The following LRP1 variants were observed in gnomAD, a reference collection of about 807,000 sequenced individuals.
LRP1 encodes prolow-density lipoprotein receptor-related protein 1.
In LRP1, 51 loss-of-function variants were observed where a neutral mutation model predicts 541.5. That is an observed-to-expected ratio of 0.09 (90% confidence interval 0.08 to 0.12). The LOEUF (loss-of-function observed/expected upper bound fraction) is 0.12. Among genes scored for constraint, LRP1 ranks in the 10% least tolerant of loss-of-function variants. The probability of loss-of-function intolerance (pLI) is 1.00; values close to 1 mark genes in which losing one functional copy is unlikely to be tolerated. For missense variants in LRP1, 3,878 were observed against 6,376.2 expected (o/e 0.61, Z 13.34); for synonymous variants, 2,219 against 2,470.8 (o/e 0.90, Z 3.02).
At chr12:57,149,530 C>A in intron 6 of LRP1, 1 of 642,718 alleles carries the variant, frequency 1.6e-6, no homozygotes, top group Non-Finnish European at 2.8e-6. Flanking sequence ...TGTTTTAGAG[C>A]CCGGCAAGGA....
chr12:57,150,237 G>C (rs1034689060), intron 6 of LRP1, among the ~76,000 whole-genome samples: 8 of 136,464 alleles, frequency 5.9e-5, no homozygotes, highest in Admixed American at 5.7e-4. Flanking sequence ...TGTCGCCCAG[G>C]CTGGAGTGCA....
rs1162589429 is a variant in LRP1 at position 57,178,297 on chromosome 12, G to T, written c.4362-62G>T. 6 of 1,569,454 alleles carry T rather than the reference G, an allele frequency of 3.8e-6. No individual in the cohort carries two copies. The highest frequency in any genetic ancestry group is 5.2e-6 in the Non-Finnish European group (6 of 1,154,978). ...CCAGGGCCCAGAGGGTGGGCACCTG[G>T]GCAGAGCTCTGAGGGCTGAGATCCC... On this transcript the variant is annotated intron_variant, in intron 26 of 88. Coordinates refer to ENST00000243077, the MANE Select transcript of LRP1 (RefSeq NM_002332.3). This position sits in a 1 kb window ranked among gnomAD's most constrained non-coding sequence, Gnocchi z 5.8.
chr12:57,138,046 G>A (rs764320390), intron 1 of LRP1, among the ~76,000 whole-genome samples: 7 of 152,096 alleles, frequency 4.6e-5, no homozygotes, highest in African/African-American at 1.7e-4. Flanking sequence ...AGACCAGCTC[G>A]GGGCCTCTAG....
At chr12:57,129,072 C>A (rs1374665095) in intron 1 of LRP1, 41 bp downstream of exon 1, 1 of 1,538,174 alleles carries the variant, frequency 6.5e-7, no homozygotes, top group South Asian at 1.2e-5. Context: ...CCTGGGGGCA[C>A]CCTCTCCCCA....
chr12:57,185,014 C>G lies in LRP1; in HGVS notation c.6338+24C>G. The G allele has an allele frequency of 6.2e-7, 1 of 1,613,800 alleles. No homozygotes were observed. Among genetic ancestry groups the G allele is most frequent in the Non-Finnish European group, 8.5e-7 (1 of 1,179,734 alleles). On this transcript the variant is annotated intron_variant, in intron 39 of 88. Coordinates refer to ENST00000243077, the MANE Select transcript of LRP1 (RefSeq NM_002332.3). The surrounding 1 kb of genome is among the most constrained non-coding windows in gnomAD (Gnocchi z 4.9). Reference sequence around the variant, plus strand: ...AGGTGAGGGCTTCTGTCCTGGCCTCCTCAGCTGATCTCTTCCTTCCCTCCT... The same window carrying G: ...AGGTGAGGGCTTCTGTCCTGGCCTCGTCAGCTGATCTCTTCCTTCCCTCCT...
In LRP1 at chr12:57,201,555, C is replaced by A. The variant is rs1239386125; in HGVS notation, c.10404C>A (p.Pro3468=). ...FQCSITKRCI[P]RVWVCDRDND... ...GCTCCATTACCAAACGGTGCATCCC[C>A]CGGGTCTGGGTCTGCGACCGGGACA... Residue 3468 remains proline, a synonymous_variant, in exon 66 of 89, where the codon CCC becomes CCA. Transcript: ENST00000243077. The surrounding 1 kb of genome is among the most constrained non-coding windows in gnomAD (Gnocchi z 6.4). The A allele has an allele frequency of 1.2e-6, 2 of 1,613,982 alleles. No individual in the cohort carries two copies. Among genetic ancestry groups the A allele is most frequent in the East Asian group, 2.2e-5 (1 of 44,886 alleles).
intron 6 of LRP1, among the ~76,000 whole-genome samples, chr12:57,150,285 G>A (rs1405413530): frequency 7.1e-6 from 1 of 141,148 alleles, no homozygotes; most frequent in Admixed American, 7.8e-5. Context: ...TCTGCCTCCC[G>A]GGTTCACGCC....
chr12:57,169,025 G>T (rs562440304), intron 19 of LRP1, 115 bp from the exon 20 acceptor site: 34 of 817,388 alleles, frequency 4.2e-5, no homozygotes, highest in African/African-American at 2.9e-4. Context: ...TTTCCCAGTG[G>T]GGGGGTTAGG....
At chr12:57,200,582 G>T in intron 63 of LRP1, 47 bp downstream of exon 63, 1 of 1,581,156 alleles carries the variant, frequency 6.3e-7, no homozygotes. Context: ...CTGTGTCGGA[G>T]GCCTGACTCC....
chr12:57,191,148 G>A, intron 43 of LRP1, 139 bp downstream of exon 43: 1 of 1,132,722 alleles, frequency 8.8e-7, no homozygotes, highest in Non-Finnish European at 1.3e-6. Flanking sequence ...CCCAGCCTCG[G>A]TCAACCCCAC....
At chr12:57,135,622 C>A (rs1785179649) in intron 1 of LRP1, among the ~76,000 whole-genome samples, 1 of 152,236 alleles carries the variant, frequency 6.6e-6, no homozygotes, top group Non-Finnish European at 1.5e-5. Context: ...TCTCTGCAAT[C>A]CTTGTGCTGG....
rs1381457508 is a variant in LRP1, at chr12:57,138,310, C to G, written c.68-149C>G. ...TCTAGGAACTACCCAAAGCCACCCC[C>G]TGACACCCCCAGGCACATAGACCAT... On this transcript the variant is annotated intron_variant, in intron 1 of 88. Coordinates refer to ENST00000243077, the MANE Select transcript of LRP1 (RefSeq NM_002332.3). 6 of 953,122 alleles carry G rather than the reference C, an allele frequency of 6.3e-6. No individual in the cohort carries two copies. In the African/African-American group the frequency reaches 8.2e-5, roughly 13 times the overall value. The allele number at this position is 953,122 out of a possible 1,614,324, so 59.0% of individuals were successfully genotyped here.
chr12:57,195,607 T>A (rs2036514671), intron 52 of LRP1, 51 bp from the exon 53 acceptor site: 3 of 1,612,866 alleles, frequency 1.9e-6, no homozygotes, highest in African/African-American at 2.7e-5. Context: ...TGAGGGACGG[T>A]CGGCCGCTGG....
At chr12:57,129,103 A>T (rs2034982018) in intron 1 of LRP1, 72 bp downstream of exon 1, 1 of 1,440,376 alleles carries the variant, frequency 6.9e-7, no homozygotes, top group South Asian at 1.2e-5. Flanking sequence ...CTGCATACGG[A>T]TGGGGAAGGG....
At chr12:57,133,622 G>A (rs1237371014) in intron 1 of LRP1, among the ~76,000 whole-genome samples, 3 of 49,472 alleles carry the variant, frequency 6.1e-5, no homozygotes, top group Admixed American at 2.5e-4. Flanking sequence ...TCCCCGCGCC[G>A]CCCCCCCACC....
intron 34 of LRP1, among the ~76,000 whole-genome samples, chr12:57,182,959 G>A (rs2036195621): frequency 6.6e-6 from 1 of 152,178 alleles, no homozygotes; most frequent in Non-Finnish European, 1.5e-5. Context: ...GACAGAGGGA[G>A]GACAAAGAGG....
At position 57,184,748 on chromosome 12, in the gene LRP1, T is replaced by C. The variant is rs2136710358; in HGVS notation, c.6187-91T>C. 3 of 1,398,832 alleles carry C rather than the reference T, an allele frequency of 2.1e-6. No individual in the cohort carries two copies. The highest frequency in any genetic ancestry group is 2.1e-5 in the Admixed American group (1 of 47,778). The allele number at this position is 1,398,832 out of a possible 1,614,324, so 86.7% of individuals were successfully genotyped here. A position where few individuals can be genotyped will look rare whatever the true frequency, so the allele number is the denominator to read the frequency against. Reference sequence around the variant, plus strand: ...GTTAGGGGAGGCTGAACTGAGGGCCTCACTCTGGCCCAGGCACTCCCTGCT... The same window carrying C: ...GTTAGGGGAGGCTGAACTGAGGGCCCCACTCTGGCCCAGGCACTCCCTGCT... On this transcript the variant is annotated intron_variant, in intron 38 of 88. Transcript: ENST00000243077. The surrounding 1 kb of genome is among the most constrained non-coding windows in gnomAD (Gnocchi z 7.8).
rs1332767069 is a variant in LRP1 at position 57,195,372 on chromosome 12, G to A, written c.8410G>A (p.Ala2804Thr). 1.2e-6 allele frequency: 2 copies of A among 1,609,320 alleles called. No individual in the cohort carries two copies. The highest frequency in any genetic ancestry group is 2.7e-5 in the African/African-American group (2 of 75,066). Residue 2804 changes from alanine to threonine, a missense_variant, in exon 52 of 89, where the codon GCA becomes ACA. Physicochemically the swap from Ala to Thr is moderately conservative, Grantham distance 58. Around this residue, in one of 13 missense-constraint regions of LRP1, gnomAD observed 1,100 missense variants for 1,827.4 expected, o/e 0.60. Coordinates refer to ENST00000243077, the MANE Select transcript of LRP1 (RefSeq NM_002332.3). ...CDGDKDCADG[A>T]DESIAAGCLY... ...CGGTGACAAAGACTGTGCTGATGGT[G>A]CAGACGAGAGCATCGCAGCTGGTTG...
chr12:57,208,321 C>G, intron 77 of LRP1, 105 bp downstream of exon 77: 1 of 1,254,578 alleles, frequency 8.0e-7, no homozygotes, highest in Non-Finnish European at 1.1e-6. Flanking sequence ...CCAGGCCAGC[C>G]TGAGGACAGA....
Sources: allele counts gnomAD v4.1 joint callset (sites outside exome capture counted in the v4.1 genomes callset), GRCh38; gene constraint gnomAD v4.1.1; regional missense constraint gnomAD v4.1.1; non-coding constraint Gnocchi (gnomAD v3.1); transcripts MANE v1.5; gene names NCBI Gene and HGNC (gene_info 2026-07-23, HGNC 2026-07-21).